Variants in RPTOR observed in about 807,000 individuals in gnomAD.
The protein encoded by RPTOR is regulatory associated protein of MTOR complex 1, also known as regulatory-associated protein of mTOR.
A neutral mutation model predicts 169.9 loss-of-function variants in RPTOR; 21 were observed. The observed-to-expected ratio is 0.12, with a 90% CI of 0.09 to 0.18. The LOEUF is 0.18. Ranked by LOEUF, RPTOR falls within the 10% of genes least tolerant of loss-of-function variation. The pLI is 1.00. For synonymous variants in RPTOR, 732 were observed against 753.2 expected (o/e 0.97, Z 0.46); for missense variants, 1,133 against 1,855.9 (o/e 0.61, Z 7.16).
rs931352876 is a variant in RPTOR, at chr17:80,922,883, C to T, written c.2624+56C>T. ...GTGGTGGTGACCGGGGCCCCACGGG[C>T]TGAGCTGTCCCTGAGCCGGCCTCCC... On this transcript the variant is annotated intron_variant, in intron 22 of 33. Coordinates refer to ENST00000306801, the MANE Select transcript of RPTOR (RefSeq NM_020761.3). 4.2e-6 allele frequency: 6 copies of T among 1,427,212 alleles called. No homozygotes were observed. The African/African-American group carries it at 8.5e-5, about 20-fold the overall frequency. The allele number at this position is 1,427,212 out of a possible 1,614,324, so 88.4% of individuals were successfully genotyped here. A position where few individuals can be genotyped will look rare whatever the true frequency, so the allele number is the denominator to read the frequency against.
chr17:80,888,864 G>A (rs970380837), intron 17 of RPTOR, among the ~76,000 whole-genome samples: 5 of 152,232 alleles, frequency 3.3e-5, no homozygotes, highest in African/African-American at 1.2e-4. Context: ...GGCCGGGGTG[G>A]CAGCTGAGCA....
In RPTOR at chr17:80,931,357, A is replaced by G. The variant is rs185148247; in HGVS notation, c.2919+5877A>G. Reference sequence around the variant, plus strand: ...GCACCAGTTCCCTGCAGCAGAGCAGAAGGGGCCAGCAGGGAGAAATGCTCA... The same window carrying G: ...GCACCAGTTCCCTGCAGCAGAGCAGGAGGGGCCAGCAGGGAGAAATGCTCA... On this transcript the variant is annotated intron_variant, in intron 24 of 33. Coordinates refer to ENST00000306801, the MANE Select transcript of RPTOR (RefSeq NM_020761.3). Among the ~76,000 whole-genome samples, 11 of 152,334 alleles carry G rather than the reference A, an allele frequency of 7.2e-5. No homozygotes were observed. In the East Asian group the frequency reaches 2.1e-3, roughly 29 times the overall value.
intron 29 of RPTOR, among the ~76,000 whole-genome samples, chr17:80,958,324 C>CCGGCAATCTTCCTGCCTT (rs2069283626): frequency 6.6e-6 from 1 of 151,650 alleles, no homozygotes; most frequent in Non-Finnish European, 1.5e-5. Flanking sequence ...ATTCCTGGCT[C>CCGGCAATCTTCCTGCCTT]CGGCAATCTT....
rs566484863 is a variant in RPTOR, at chr17:80,747,648, G to T, written c.655-6362G>T. On this transcript the variant is annotated intron_variant, in intron 5 of 33. Coordinates refer to ENST00000306801, the MANE Select transcript of RPTOR (RefSeq NM_020761.3). ...GGGCCAAGCGCCCGTGCATCTCAGG[G>T]TGCAGGCTGAGATAGGCACGGCAGA... Among the ~76,000 whole-genome samples, 7 of 152,352 alleles carry T rather than the reference G, an allele frequency of 4.6e-5. No homozygotes were observed. The East Asian group carries it at 1.4e-3, about 29-fold the overall frequency.
intron 3 of RPTOR, among the ~76,000 whole-genome samples, chr17:80,680,440 C>A (rs2065890086): frequency 6.6e-6 from 1 of 152,138 alleles, no homozygotes; most frequent in Non-Finnish European, 1.5e-5. Context: ...TCAAGACCAG[C>A]CTGGCCAAGA....
intron 6 of RPTOR, among the ~76,000 whole-genome samples, chr17:80,757,204 C>G (rs2066689697): frequency 6.6e-6 from 1 of 152,146 alleles, no homozygotes; most frequent in East Asian, 1.9e-4. Flanking sequence ...CTGAAAATAC[C>G]TGAAGATCTC....
At chr17:80,608,142 C>T (rs1202511769) in intron 1 of RPTOR, among the ~76,000 whole-genome samples, 4 of 152,156 alleles carry the variant, frequency 2.6e-5, no homozygotes, top group Non-Finnish European at 5.9e-5. Flanking sequence ...TCTCATTTTT[C>T]AGTTTACTGA....
intron 3 of RPTOR, among the ~76,000 whole-genome samples, chr17:80,661,036 G>T (rs1247890148): frequency 6.6e-6 from 1 of 152,174 alleles, no homozygotes; most frequent in East Asian, 1.9e-4. Flanking sequence ...TCTTTCTCGG[G>T]CTCTTTTTCT....
chr17:80,872,478 C>T (rs1031685283), intron 13 of RPTOR, among the ~76,000 whole-genome samples: 1 of 152,116 alleles, frequency 6.6e-6, no homozygotes, highest in Non-Finnish European at 1.5e-5. Context: ...AGCACTGGGT[C>T]GGTCCTGGGA....
At chr17:80,881,074 G>A (rs62070509) in intron 14 of RPTOR, among the ~76,000 whole-genome samples, 6,282 of 152,324 alleles carry the variant, frequency 0.041, 186 homozygotes, top group Middle Eastern at 0.078. Flanking sequence ...TCCCAGCTTA[G>A]TAATGAGAAC....
chr17:80,605,540 AGTCTT>A (rs1461684102), intron 1 of RPTOR, among the ~76,000 whole-genome samples: 1 of 152,136 alleles, frequency 6.6e-6, no homozygotes, highest in Admixed American at 6.5e-5. Flanking sequence ...GGAAGTGCAT[AGTCTT>A]AAGTCTCTTA....
At chr17:80,800,326 C>T (rs758888916) in intron 7 of RPTOR, among the ~76,000 whole-genome samples, 1 of 152,134 alleles carries the variant, frequency 6.6e-6, no homozygotes, top group Non-Finnish European at 1.5e-5. Flanking sequence ...AAAATAAATG[C>T]GGTTTATTTC....
intron 1 of RPTOR, among the ~76,000 whole-genome samples, chr17:80,571,176 C>T (rs1475057700): frequency 6.6e-6 from 1 of 152,248 alleles, no homozygotes; most frequent in South Asian, 2.1e-4. Context: ...GGCTGGCTAC[C>T]TTAAAGGTTT....
Position 80,620,884 on chromosome 17 carries a change from A to G in RPTOR, c.163-4807A>G, listed in dbSNP as rs185249447. ...TATGTGATAGTACTGTCTTTTGCCC[A>G]GTTTTGGAGTTAAATTGGTAGCTAG... On this transcript the variant is annotated intron_variant, in intron 1 of 33. Transcript: ENST00000306801. Among the ~76,000 whole-genome samples, 16 of 152,328 alleles carry G rather than the reference A, an allele frequency of 1.1e-4. 1 individual carries two copies. The highest frequency in any genetic ancestry group is 3.8e-4 in the African/African-American group (16 of 41,572).
chr17:80,903,500 A>G (rs755595108), intron 20 of RPTOR, among the ~76,000 whole-genome samples: 39 of 152,192 alleles, frequency 2.6e-4, no homozygotes, highest in Non-Finnish European at 5.0e-4. Flanking sequence ...GCACTGCGGC[A>G]TCATTGGTGT....
At chr17:80,582,419 A>G (rs1287023586) in intron 1 of RPTOR, among the ~76,000 whole-genome samples, 1 of 152,166 alleles carries the variant, frequency 6.6e-6, no homozygotes, top group Non-Finnish European at 1.5e-5. Context: ...TCCCTGAACA[A>G]TTGGACTGTG....
chr17:80,929,623 C>G (rs2068851091), intron 24 of RPTOR, among the ~76,000 whole-genome samples: 1 of 152,228 alleles, frequency 6.6e-6, no homozygotes. Context: ...CTGAGAGCAT[C>G]TGCTCCTCTA....
At chr17:80,776,779 C>T (rs750819999) in intron 6 of RPTOR, among the ~76,000 whole-genome samples, 4 of 152,170 alleles carry the variant, frequency 2.6e-5, no homozygotes, top group Non-Finnish European at 5.9e-5. Context: ...AGGTCCTGTA[C>T]GTGACTGCAA....
At chr17:80,623,161 T>A (rs2065367719) in intron 1 of RPTOR, among the ~76,000 whole-genome samples, 2 of 152,114 alleles carry the variant, frequency 1.3e-5, no homozygotes, top group Non-Finnish European at 2.9e-5. Context: ...TAGTGTTATT[T>A]TAGAAGTTCT....
Sources: allele counts gnomAD v4.1 joint callset (sites outside exome capture counted in the v4.1 genomes callset), GRCh38; gene constraint gnomAD v4.1.1; transcripts MANE v1.5; gene names NCBI Gene and HGNC (gene_info 2026-07-23, HGNC 2026-07-21).